The following GAB2 variants were observed in gnomAD, a reference collection of about 807,000 sequenced individuals.
GAB2 encodes GRB2-associated-binding protein 2.
In GAB2, 26 loss-of-function variants were observed where a neutral mutation model predicts 65.5. That is an observed-to-expected ratio of 0.40 (90% CI 0.29 to 0.55). The LOEUF is 0.55. Among genes scored for constraint, GAB2 ranks in the 20% least tolerant of loss-of-function variants. GAB2 has a pLI of 0.53. For synonymous variants in GAB2, 321 were observed against 329.6 expected (o/e 0.97, Z 0.28); for missense variants, 884 against 875.8 (o/e 1.01, Z -0.12).
intron 1 of GAB2, among the ~76,000 whole-genome samples, chr11:78,317,924 T>C (rs917667213): frequency 6.6e-6 from 1 of 152,088 alleles, no homozygotes; most frequent in Admixed American, 6.6e-5. Flanking sequence ...TAAGAACACA[T>C]TGAAGGTAAA....
intron 1 of GAB2, among the ~76,000 whole-genome samples, chr11:78,353,215 C>T (rs1255219700): frequency 6.6e-6 from 1 of 151,978 alleles, no homozygotes; most frequent in African/African-American, 2.4e-5. Flanking sequence ...CTGAGGTGGG[C>T]GGATCACTTG....
chr11:78,320,134 G>C (rs1855694563), intron 1 of GAB2, among the ~76,000 whole-genome samples: 1 of 152,212 alleles, frequency 6.6e-6, no homozygotes, highest in Non-Finnish European at 1.5e-5. Context: ...GCCTCTCAAA[G>C]TGCGGGGATT....
At chr11:78,294,203 A>G (rs58019389) in intron 1 of GAB2, among the ~76,000 whole-genome samples, 5,900 of 152,230 alleles carry the variant, frequency 0.039, 372 homozygotes, top group African/African-American at 0.13. Flanking sequence ...TTTGCTGAGA[A>G]TGATGGTTTC....
intron 1 of GAB2, among the ~76,000 whole-genome samples, chr11:78,409,417 T>C (rs1170610271): frequency 6.6e-6 from 1 of 152,118 alleles, no homozygotes; most frequent in Non-Finnish European, 1.5e-5. Context: ...AAACCCTGTC[T>C]CTATTAAAAA....
Position 78,332,907 on chromosome 11 carries a change from C to T in GAB2, c.76-52006G>A, listed in dbSNP as rs117144469. 2.0e-3 allele frequency among the ~76,000 whole-genome samples: 305 copies of T among 152,218 alleles called. 2 individuals carry two copies. The highest frequency in any genetic ancestry group is 3.4e-3 in the Middle Eastern group (1 of 294). On this transcript the variant is annotated intron_variant, in intron 1 of 9. Coordinates refer to ENST00000361507, the MANE Select transcript of GAB2 (RefSeq NM_080491.3). Reference sequence around the variant, plus strand: ...TAGTTTTTGTTTTTTTAAGAACCTTCCCCTTTGCCTTGTCTTATACCTGCA... The same window carrying T: ...TAGTTTTTGTTTTTTTAAGAACCTTTCCCTTTGCCTTGTCTTATACCTGCA...
intron 3 of GAB2, among the ~76,000 whole-genome samples, chr11:78,240,167 G>A (rs867577674): frequency 1.4e-4 from 22 of 152,106 alleles, no homozygotes; most frequent in African/African-American, 5.3e-4. Flanking sequence ...GAAGCCAGTG[G>A]CTGCATCCTA....
chr11:78,396,561 A>G (rs1856897282), intron 1 of GAB2, among the ~76,000 whole-genome samples: 1 of 152,224 alleles, frequency 6.6e-6, no homozygotes. Context: ...TGTGGCCATT[A>G]AAAACCTATG....
At chr11:78,375,576 G>GAT (rs1325621953) in intron 1 of GAB2, among the ~76,000 whole-genome samples, 6 of 152,138 alleles carry the variant, frequency 3.9e-5, no homozygotes, top group Admixed American at 1.3e-4. Flanking sequence ...TATGCCCACT[G>GAT]ATATAGAAGT....
At chr11:78,410,177 G>C (rs1565189150) in intron 1 of GAB2, among the ~76,000 whole-genome samples, 1 of 152,174 alleles carries the variant, frequency 6.6e-6, no homozygotes, top group Non-Finnish European at 1.5e-5. Flanking sequence ...CATTAAATAA[G>C]AGGAAAAGTC....
Position 78,402,075 on chromosome 11 carries a change from A to C in GAB2, c.75+15571T>G, listed in dbSNP as rs112000094. On this transcript the variant is annotated intron_variant, in intron 1 of 9. Transcript: ENST00000361507. ...GAAGATCTTCCCCTCCCCTGTTCTT[A>C]CCAGCCCAGGTATTCTCTCTTACTT... 8.7e-3 allele frequency among the ~76,000 whole-genome samples: 1,326 copies of C among 151,982 alleles called. 16 individuals are homozygous for C. Among genetic ancestry groups the C allele is most frequent in the Non-Finnish European group, 1.0e-2 (680 of 68,016 alleles).
intron 1 of GAB2, among the ~76,000 whole-genome samples, chr11:78,338,015 A>G (rs1856031065): frequency 6.6e-6 from 1 of 152,220 alleles, no homozygotes; most frequent in African/African-American, 2.4e-5. Flanking sequence ...ACTTCTAAAC[A>G]TATAAAAACA....
intron 1 of GAB2, among the ~76,000 whole-genome samples, chr11:78,366,217 T>C (rs1429640648): frequency 1.3e-5 from 2 of 152,142 alleles, no homozygotes; most frequent in Non-Finnish European, 2.9e-5. Flanking sequence ...ACAAAAACCA[T>C]ACCGAGTTCT....
In GAB2 at chr11:78,223,509, G is replaced by A. The variant is rs775594758; in HGVS notation, c.1470C>T (p.Gly490=). 1 of 1,612,494 alleles carries A rather than the reference G, an allele frequency of 6.2e-7. No homozygotes were observed. Among genetic ancestry groups the A allele is most frequent in the Non-Finnish European group, 8.5e-7 (1 of 1,179,228 alleles). The change falls in exon 6 of 10, where the codon GGC becomes GGT. Residue 490 remains glycine, a synonymous_variant. Coordinates refer to ENST00000361507, the MANE Select transcript of GAB2 (RefSeq NM_080491.3). ...GCACAGGAAGGGTTGTTGATGGGTA[G>A]CCAAGTGAGTCAAAGTGATGGGCCC... ...SPGAHHFDSL[G]YPSTTLPVHR... is the part of the protein sequence containing the mutation.
intron 1 of GAB2, among the ~76,000 whole-genome samples, chr11:78,288,555 G>T (rs1372480734): frequency 6.6e-6 from 1 of 151,950 alleles, no homozygotes; most frequent in African/African-American, 2.4e-5. Context: ...GAATATGCAG[G>T]CATATAAAAT....
chr11:78,388,718 T>A (rs1281504860), intron 1 of GAB2, among the ~76,000 whole-genome samples: 3 of 152,176 alleles, frequency 2.0e-5, no homozygotes, highest in African/African-American at 7.2e-5. Context: ...CCTTTTGCCC[T>A]CAGAGCTATG....
At chr11:78,291,465 C>T (rs1468960624) in intron 1 of GAB2, among the ~76,000 whole-genome samples, 4 of 142,382 alleles carry the variant, frequency 2.8e-5, no homozygotes, top group Admixed American at 2.2e-4. Context: ...GACTCTGTCT[C>T]TGTCTCAAAA....
At position 78,250,359 on chromosome 11, in the gene GAB2, A is replaced by C. The variant is rs750241911; in HGVS notation, c.418T>G (p.Ser140Ala). The stretch of plus-strand genomic sequence containing the variant: ...GAGCTGCTGAGCTCAGCTGGAGAAG[A>C]GCGGGGGCCATGACCGGCTGAGGAA... ...NVSSAGHGPRSSPAELSSSSQ... is the reference protein window; with the variant it reads ...NVSSAGHGPRASPAELSSSSQ... The change falls in exon 3 of 10, where the codon TCT becomes GCT. Residue 140 changes from serine (S) to alanine (A), a missense_variant. Transcript: ENST00000361507. 6.2e-7 allele frequency: 1 copy of C among 1,613,298 alleles called. No individual in the cohort carries two copies. Among genetic ancestry groups the C allele is most frequent in the Admixed American group, 1.7e-5 (1 of 59,932 alleles).
intron 1 of GAB2, among the ~76,000 whole-genome samples, chr11:78,302,935 C>G (rs1233485349): frequency 6.6e-6 from 1 of 152,278 alleles, no homozygotes; most frequent in South Asian, 2.1e-4. Context: ...AGTGAATTAA[C>G]TCAGGAATAG....
chr11:78,299,745 G>C (rs961511302), intron 1 of GAB2, among the ~76,000 whole-genome samples: 1 of 152,164 alleles, frequency 6.6e-6, no homozygotes, highest in Admixed American at 6.5e-5. Context: ...GGACTATCTT[G>C]CTCCTGGGAG....
Sources: gnomAD v4.1 joint callset for allele counts (sites outside exome capture counted in the v4.1 genomes callset) on GRCh38, gnomAD v4.1.1 for gene constraint, MANE v1.5 for transcripts, NCBI Gene and HGNC (gene_info 2026-07-23, HGNC 2026-07-21) for gene names.